GDI2: variants seen among roughly 807,000 people sequenced by gnomAD.
GDI2 encodes GDP dissociation inhibitor 2.
In GDI2, 22 loss-of-function variants were observed where a neutral mutation model predicts 54.2. The observed-to-expected ratio is 0.41, with a 90% CI of 0.29 to 0.58. The LOEUF is 0.58. Among genes scored for constraint, GDI2 ranks in the 20% least tolerant of loss-of-function variants. GDI2 has a pLI of 0.35. For missense variants in GDI2, 422 were observed against 546.0 expected, an observed-to-expected ratio of 0.77 and a Z score of 2.26; for synonymous variants, 177 against 182.1, an observed-to-expected ratio of 0.97 and a Z score of 0.23.
intron 4 of GDI2, among the ~76,000 whole-genome samples, chr10:5,786,409 C>G (rs1001977165): frequency 6.6e-6 from 1 of 151,916 alleles, no homozygotes; most frequent in Non-Finnish European, 1.5e-5. Context: ...TCAGGTGATC[C>G]GCCCACCACG....
chr10:5,792,933 AAAAG>A (rs1205662622), intron 4 of GDI2, among the ~76,000 whole-genome samples: 15 of 151,158 alleles, frequency 9.9e-5, no homozygotes, highest in Admixed American at 3.3e-4. Flanking sequence ...AAGAAAATGT[AAAAG>A]AAAGAACCCA....
chr10:5,778,407 T>C (rs535237140), intron 6 of GDI2, among the ~76,000 whole-genome samples: 33 of 152,376 alleles, frequency 2.2e-4, no homozygotes, highest in Admixed American at 1.9e-3. Flanking sequence ...CTTTCATGCA[T>C]TGACTATATG....
At position 5,774,159 on chromosome 10, in the gene GDI2, TTG is replaced by T. The variant is rs1840565913; in HGVS notation, c.720-220_720-219del. Among the ~76,000 whole-genome samples the T allele has an allele frequency of 6.6e-6, 1 of 152,144 alleles. No homozygotes were observed. Among genetic ancestry groups the T allele is most frequent in the Non-Finnish European group, 1.5e-5 (1 of 68,014 alleles). Reference sequence around the variant, plus strand: ...TCAAAAAAAATCACTAACCAGGCACTTGTCTTTCGAGCTGCCCACTCGGCCCT... The same window carrying T: ...TCAAAAAAAATCACTAACCAGGCACTTCTTTCGAGCTGCCCACTCGGCCCT... On this transcript the variant is annotated intron_variant, in intron 6 of 10. Coordinates refer to ENST00000380191, the MANE Select transcript of GDI2 (RefSeq NM_001494.4). The surrounding 1 kb of genome is among the most constrained non-coding windows in gnomAD (Gnocchi z 4.8).
chr10:5,778,821 T>C (rs1840685378), intron 6 of GDI2, among the ~76,000 whole-genome samples: 1 of 152,210 alleles, frequency 6.6e-6, no homozygotes, highest in Admixed American at 6.5e-5. Context: ...GGACCCACTT[T>C]AACAAGGTGT....
At chr10:5,781,080 T>A (rs1467965803) in intron 6 of GDI2, among the ~76,000 whole-genome samples, 4 of 151,960 alleles carry the variant, frequency 2.6e-5, no homozygotes, top group African/African-American at 4.8e-5. Context: ...CAAACTCATA[T>A]GTAGCCAACT....
At chr10:5,779,551 T>C (rs1193578106) in intron 6 of GDI2, among the ~76,000 whole-genome samples, 1 of 151,106 alleles carries the variant, frequency 6.6e-6, no homozygotes, top group Non-Finnish European at 1.5e-5. Context: ...ACTCTAGATC[T>C]AGACAGTATA....
rs572724467 is a variant in GDI2 at position 5,774,125 on chromosome 10, A to C, written c.720-184T>G. On this transcript the variant is annotated intron_variant, in intron 6 of 10. Coordinates refer to ENST00000380191, the MANE Select transcript of GDI2 (RefSeq NM_001494.4). This position sits in a 1 kb window ranked among gnomAD's most constrained non-coding sequence, Gnocchi z 4.8. Reference sequence around the variant, plus strand: ...AAAAACACAAACATAATCAGTTATAAATACGAAGTCAAAAAAAATCACTAA... The same window carrying C: ...AAAAACACAAACATAATCAGTTATACATACGAAGTCAAAAAAAATCACTAA... Among the ~76,000 whole-genome samples the C allele has an allele frequency of 7.2e-6, 1 of 138,164 alleles. No individual in the cohort carries two copies. Among genetic ancestry groups the C allele is most frequent in the African/African-American group, 2.5e-5 (1 of 39,436 alleles). The allele number at this position is 138,164 out of a possible 152,430, so 90.6% of individuals were successfully genotyped here. A position where few individuals can be genotyped will look rare whatever the true frequency, so the allele number is the denominator to read the frequency against.
intron 6 of GDI2, among the ~76,000 whole-genome samples, chr10:5,778,934 C>A (rs10795544): frequency 0.36 from 55,156 of 152,014 alleles, 11,138 homozygotes; most frequent in Middle Eastern, 0.55. Flanking sequence ...GGCATCTCAA[C>A]AAACTATCAA....
rs1417018600 is a variant in GDI2 at position 5,765,367 on chromosome 10, C to T, written c.*639G>A. On this transcript the variant is annotated 3_prime_UTR_variant, in exon 11 of 11. Transcript: ENST00000380191. Reference sequence around the variant, plus strand: ...CGCCTGAGATACAAAAGATGCACTACACTTGACCCGCTTTATGTTCGCTTC... The same window carrying T: ...CGCCTGAGATACAAAAGATGCACTATACTTGACCCGCTTTATGTTCGCTTC... 1.3e-5 allele frequency: 2 copies of T among 152,774 alleles called. No homozygotes were observed. Among genetic ancestry groups the T allele is most frequent in the African/African-American group, 2.4e-5 (1 of 41,460 alleles). The allele number at this position is 152,774 out of a possible 1,614,324, so 9.5% of individuals were successfully genotyped here.
chr10:5,771,841 C>T (rs775380587), intron 7 of GDI2, among the ~76,000 whole-genome samples: 5 of 152,156 alleles, frequency 3.3e-5, no homozygotes, highest in Admixed American at 1.3e-4. Context: ...CCTGTAATCC[C>T]AGCACTTTGG....
At chr10:5,782,990 A>G (rs1442756426) in intron 6 of GDI2, among the ~76,000 whole-genome samples, 3 of 152,228 alleles carry the variant, frequency 2.0e-5, no homozygotes, top group Non-Finnish European at 4.4e-5. Context: ...AAAAATGAAA[A>G]AGACACAAAT....
intron 1 of GDI2, among the ~76,000 whole-genome samples, chr10:5,805,865 G>C (rs1402052428): frequency 6.6e-6 from 1 of 152,222 alleles, no homozygotes; most frequent in East Asian, 1.9e-4. Context: ...CTCAGGTGTT[G>C]CAGATGCAGC....
rs539862009 is a variant in GDI2, at chr10:5,774,517, C to T, written c.720-576G>A. ...TTCAACCCCCATACACGGTTTTCTT[C>T]TCCCCTTTCCACTCTCCCGCTTGCT... On this transcript the variant is annotated intron_variant, in intron 6 of 10. Coordinates refer to ENST00000380191, the MANE Select transcript of GDI2 (RefSeq NM_001494.4). The surrounding 1 kb of genome is among the most constrained non-coding windows in gnomAD (Gnocchi z 4.8). 1.1e-3 allele frequency among the ~76,000 whole-genome samples: 165 copies of T among 152,226 alleles called. 1 individual carries two copies. The South Asian group carries it at 0.018, about 16-fold the overall frequency.
At chr10:5,802,183 A>G (rs1841285309) in intron 1 of GDI2, among the ~76,000 whole-genome samples, 1 of 152,130 alleles carries the variant, frequency 6.6e-6, no homozygotes, top group South Asian at 2.1e-4. Context: ...TTTTTATTTG[A>G]AAGAACTGAC....
At chr10:5,796,701 T>TA (rs1841154272) in intron 3 of GDI2, 62 bp downstream of exon 3, 3 of 846,006 alleles carry the variant, frequency 3.5e-6, no homozygotes, top group Non-Finnish European at 6.2e-6. Context: ...TGTCAAAAGT[T>TA]AGTTTTGATA....
intron 1 of GDI2, among the ~76,000 whole-genome samples, chr10:5,812,633 A>AG (rs970485713): frequency 1.2e-4 from 18 of 152,224 alleles, no homozygotes; most frequent in South Asian, 2.1e-4. Flanking sequence ...TCTCATTAGC[A>AG]GGGGGGAGAA....
At chr10:5,773,633 AT>A (rs2131684913) in intron 7 of GDI2, among the ~76,000 whole-genome samples, 2 of 152,318 alleles carry the variant, frequency 1.3e-5, no homozygotes, top group Non-Finnish European at 2.9e-5. Flanking sequence ...CATAATGCAT[AT>A]TTCAATATTA....
At position 5,776,364 on chromosome 10, in the gene GDI2, C is replaced by T; in HGVS notation, c.720-2423G>A. 2 of 688,950 alleles carry T rather than the reference C, an allele frequency of 2.9e-6. No individual in the cohort carries two copies. Among genetic ancestry groups the T allele is most frequent in the Non-Finnish European group, 5.3e-6 (2 of 378,092 alleles). 42.7% of individuals were successfully genotyped at this position (688,950 alleles called of 1,614,324 possible). ...TGAGGATGCAGAGAGCCAGAGCCCCCTTTCTCAGAAGCACAGCCCTTTCAC... is the reference window on the plus strand; with the variant it reads ...TGAGGATGCAGAGAGCCAGAGCCCCTTTTCTCAGAAGCACAGCCCTTTCAC... On this transcript the variant is annotated intron_variant, in intron 6 of 10. Coordinates refer to ENST00000380191, the MANE Select transcript of GDI2 (RefSeq NM_001494.4). This position sits in a 1 kb window ranked among gnomAD's most constrained non-coding sequence, Gnocchi z 5.3.
intron 6 of GDI2, 152 bp downstream of exon 6, chr10:5,784,990 T>A (rs550551019): frequency 3.7e-4 from 174 of 464,906 alleles, no homozygotes; most frequent in Middle Eastern, 6.0e-4. Context: ...GATCCATGCA[T>A]ATCATTATAT....
Sources: gnomAD v4.1 joint callset for allele counts (sites outside exome capture counted in the v4.1 genomes callset) on GRCh38, gnomAD v4.1.1 for gene constraint, Gnocchi (gnomAD v3.1) non-coding constraint, MANE v1.5 for transcripts, NCBI Gene and HGNC (gene_info 2026-07-23, HGNC 2026-07-21) for gene names.